FAM13A: variants seen among roughly 807,000 people sequenced by gnomAD.
The protein encoded by FAM13A is family with sequence similarity 13 member A.
Under a neutral mutation model 129.6 loss-of-function variants are expected in FAM13A, and 76 were observed. The observed-to-expected ratio is 0.59, with a 90% CI of 0.49 to 0.71. The LOEUF is 0.71. FAM13A is among the 30% of genes least tolerant of loss of function. FAM13A has a pLI of 0.00. For synonymous variants in FAM13A, 443 were observed against 449.9 expected, an observed-to-expected ratio of 0.98 and a Z score of 0.20; for missense variants, 1,108 against 1,249.3, an observed-to-expected ratio of 0.89 and a Z score of 1.70.
chr4:88,750,659 A>AGG (rs3217628), intron 14 of FAM13A, 22 bp from the exon 15 acceptor site: 537,775 of 1,584,770 alleles, frequency 0.34, 103,759 homozygotes, highest in African/African-American at 0.75. Flanking sequence ...GGGCAGTAAG[A>AGG]TCAGGACTGT....
chr4:88,971,859 T>G (rs560294064), intron 4 of FAM13A, among the ~76,000 whole-genome samples: 1 of 152,304 alleles, frequency 6.6e-6, no homozygotes, highest in East Asian at 1.9e-4. Context: ...AGGAAACTAG[T>G]TGAAACCCTA....
At chr4:88,973,400 C>T (rs1023146350) in intron 4 of FAM13A, among the ~76,000 whole-genome samples, 7 of 152,128 alleles carry the variant, frequency 4.6e-5, no homozygotes, top group Admixed American at 1.3e-4. Context: ...TGCCCTCAAG[C>T]TCAGAAATTC....
chr4:89,003,306 G>A (rs567825910), intron 3 of FAM13A, among the ~76,000 whole-genome samples: 5 of 150,782 alleles, frequency 3.3e-5, no homozygotes, highest in Admixed American at 1.3e-4. Context: ...ACTGCATCAA[G>A]TTTATAGAAA....
At chr4:88,964,140 A>G (rs561493200) in intron 4 of FAM13A, among the ~76,000 whole-genome samples, 4 of 152,330 alleles carry the variant, frequency 2.6e-5, no homozygotes, top group African/African-American at 9.6e-5. Flanking sequence ...GTGGATCTGC[A>G]TTTCTTTCAT....
intron 6 of FAM13A, among the ~76,000 whole-genome samples, chr4:88,892,379 C>T (rs892165160): frequency 1.3e-5 from 2 of 151,920 alleles, no homozygotes; most frequent in African/African-American, 2.4e-5. Context: ...TGGGGTTTCA[C>T]CATGTTAGCC....
At chr4:89,034,692 G>A (rs963884202) in intron 1 of FAM13A, among the ~76,000 whole-genome samples, 1 of 152,134 alleles carries the variant, frequency 6.6e-6, no homozygotes, top group Non-Finnish European at 1.5e-5. Context: ...GGCCAGCCTG[G>A]CCAACATGGC....
At chr4:88,805,191 A>G in intron 7 of FAM13A, 139 bp from the exon 8 acceptor site, 2 of 612,698 alleles carry the variant, frequency 3.3e-6, no homozygotes, top group Non-Finnish European at 5.9e-6. Context: ...TTAGTAAAAC[A>G]TGATCCACCT....
At chr4:89,005,204 A>G (rs1764841601) in intron 3 of FAM13A, among the ~76,000 whole-genome samples, 1 of 152,236 alleles carries the variant, frequency 6.6e-6, no homozygotes, top group Non-Finnish European at 1.5e-5. Context: ...GCTAAGGATA[A>G]TAGCCTCTAG....
chr4:88,814,174 GT>G (rs1480555882), intron 7 of FAM13A, among the ~76,000 whole-genome samples: 1 of 152,128 alleles, frequency 6.6e-6, no homozygotes, highest in Admixed American at 6.6e-5. Flanking sequence ...TTTTAGAAAG[GT>G]TAATTAACAG....
chr4:88,899,080 ATGTG>A (rs1404060215), intron 6 of FAM13A, among the ~76,000 whole-genome samples: 1 of 151,246 alleles, frequency 6.6e-6, no homozygotes, highest in Non-Finnish European at 1.5e-5. Context: ...GTCTGTGTGT[ATGTG>A]TGTGTATGTA....
chr4:88,887,808 C>T (rs1744701202), intron 6 of FAM13A, among the ~76,000 whole-genome samples: 2 of 152,146 alleles, frequency 1.3e-5, no homozygotes, highest in Non-Finnish European at 2.9e-5. Context: ...GCTGGGATTA[C>T]AGGCGTGAGC....
intron 6 of FAM13A, among the ~76,000 whole-genome samples, chr4:88,875,586 A>G (rs1373586515): frequency 1.3e-5 from 2 of 152,204 alleles, no homozygotes; most frequent in Non-Finnish European, 2.9e-5. Flanking sequence ...CAAAACCACA[A>G]TGAGATACCA....
At chr4:88,895,040 T>C (rs1746046819) in intron 6 of FAM13A, among the ~76,000 whole-genome samples, 1 of 152,188 alleles carries the variant, frequency 6.6e-6, no homozygotes. Context: ...AAGTCTCAAA[T>C]ATTCAAAATG....
chr4:88,747,939 G>C, intron 17 of FAM13A, 88 bp from the exon 18 acceptor site: 1 of 920,842 alleles, frequency 1.1e-6, no homozygotes. Context: ...GCCCAGGTTG[G>C]AGTGCAGTGG....
intron 1 of FAM13A, among the ~76,000 whole-genome samples, chr4:89,055,706 A>T (rs760596883): frequency 6.6e-6 from 1 of 152,212 alleles, no homozygotes; most frequent in Non-Finnish European, 1.5e-5. Flanking sequence ...TTACACATAG[A>T]TAAATCAGAT....
At chr4:88,882,407 G>C (rs1011510756) in intron 6 of FAM13A, among the ~76,000 whole-genome samples, 1 of 151,944 alleles carries the variant, frequency 6.6e-6, no homozygotes, top group Admixed American at 6.6e-5. Flanking sequence ...GGAAAGTTAC[G>C]GACTTTTTCA....
At chr4:88,860,704 C>T (rs887476743) in intron 6 of FAM13A, among the ~76,000 whole-genome samples, 3 of 152,152 alleles carry the variant, frequency 2.0e-5, no homozygotes, top group Admixed American at 1.3e-4. Flanking sequence ...ATTCCTAATC[C>T]AAGCTTTCTT....
At chr4:88,988,430 T>A (rs1762535155) in intron 4 of FAM13A, among the ~76,000 whole-genome samples, 1 of 152,236 alleles carries the variant, frequency 6.6e-6, no homozygotes, top group African/African-American at 2.4e-5. Context: ...ATTACGGTTA[T>A]GTAGCAAAAA....
chr4:88,871,392 C>A (rs1461070658), intron 6 of FAM13A, among the ~76,000 whole-genome samples: 1 of 152,156 alleles, frequency 6.6e-6, no homozygotes, highest in Non-Finnish European at 1.5e-5. Flanking sequence ...AAGCTAAAAA[C>A]CTTGAATACA....
Sources: allele counts gnomAD v4.1 joint callset (sites outside exome capture counted in the v4.1 genomes callset), GRCh38; gene constraint gnomAD v4.1.1; transcripts MANE v1.5; gene names NCBI Gene and HGNC (gene_info 2026-07-23, HGNC 2026-07-21).